SEMA4D: variants seen among roughly 807,000 people sequenced by gnomAD.
SEMA4D encodes semaphorin-4D.
Under a neutral mutation model 74.8 loss-of-function variants are expected in SEMA4D, and 22 were observed. The observed-to-expected ratio is 0.29, with a 90% CI of 0.21 to 0.42. The LOEUF (loss-of-function observed/expected upper bound fraction) is 0.42. SEMA4D is among the 10% of genes least tolerant of loss of function. SEMA4D has a pLI of 1.00. For missense variants in SEMA4D, 937 were observed against 1,118.4 expected, an observed-to-expected ratio of 0.84 and a Z score of 2.31; for synonymous variants, 445 against 463.7, an observed-to-expected ratio of 0.96 and a Z score of 0.52.
At chr9:89,428,749 G>T (rs1046568333) in intron 2 of SEMA4D, among the ~76,000 whole-genome samples, 1 of 152,248 alleles carries the variant, frequency 6.6e-6, no homozygotes, top group Non-Finnish European at 1.5e-5. Flanking sequence ...CCCACCTCCA[G>T]GGGCAGGGTG....
At position 89,381,097 on chromosome 9, in the gene SEMA4D, C is replaced by T; in HGVS notation, c.1621G>A (p.Gly541Ser). 1 of 1,614,126 alleles carries T rather than the reference C, an allele frequency of 6.2e-7. No individual in the cohort carries two copies. The highest frequency in any genetic ancestry group is 8.5e-7 in the Non-Finnish European group (1 of 1,180,048). The part of the protein sequence containing the change: ...ALHQTESPSR[G>S]LIQEMSGDAS... ...TCGCCGCTCATCTCCTGAATCAAAC[C>T]CCTGCAAAACAACCGGCACGTGTTA... Residue 541 changes from glycine to serine, a missense_variant and splice_region_variant, in exon 15 of 16, where the codon GGT becomes AGT. By Grantham distance (56) the Gly-to-Ser change is moderately conservative. Coordinates refer to ENST00000422704, the MANE Select transcript of SEMA4D (RefSeq NM_001371194.2). This position sits in a 1 kb window ranked among gnomAD's most constrained non-coding sequence, Gnocchi z 4.6.
At chr9:89,421,093 C>A (rs1039514848) in intron 2 of SEMA4D, among the ~76,000 whole-genome samples, 3 of 152,238 alleles carry the variant, frequency 2.0e-5, no homozygotes, top group Admixed American at 6.5e-5. Context: ...CCTGCACACA[C>A]GGGGGATCGG....
chr9:89,455,610 C>A (rs1460038072), intron 2 of SEMA4D, among the ~76,000 whole-genome samples: 1 of 152,232 alleles, frequency 6.6e-6, no homozygotes, highest in Non-Finnish European at 1.5e-5. Context: ...ACAAGCCACA[C>A]TCAGCATTGC....
At chr9:89,433,548 G>T (rs1470226434) in intron 2 of SEMA4D, among the ~76,000 whole-genome samples, 1 of 152,212 alleles carries the variant, frequency 6.6e-6, no homozygotes, top group African/African-American at 2.4e-5. Context: ...GAGAGGGACT[G>T]TGCACAGGCA....
chr9:89,370,817 TGTG>T (rs958648200), intron 16 of SEMA4D, among the ~76,000 whole-genome samples: 3 of 119,894 alleles, frequency 2.5e-5, no homozygotes, highest in African/African-American at 9.8e-5. Context: ...TGTGTGTGGG[TGTG>T]GTGTGTGTCT....
chr9:89,491,754 G>A (rs537965519), intron 1 of SEMA4D, among the ~76,000 whole-genome samples: 6 of 152,250 alleles, frequency 3.9e-5, no homozygotes, highest in South Asian at 2.1e-4. Context: ...CAGTGTTGCA[G>A]GCAAAATGCA....
chr9:89,435,507 CCTTTCCCCAACTCACA>C (rs1850197809), intron 2 of SEMA4D, among the ~76,000 whole-genome samples: 1 of 152,204 alleles, frequency 6.6e-6, no homozygotes, highest in Non-Finnish European at 1.5e-5. Context: ...GGCCCCTCCT[CCTTTCCCCAACTCACA>C]GAGATGGCAG....
At chr9:89,392,678 C>A (rs916367682) in intron 7 of SEMA4D, 142 bp from the exon 8 acceptor site, 5 of 628,652 alleles carry the variant, frequency 8.0e-6, no homozygotes, top group Non-Finnish European at 1.4e-5. Context: ...ACAGTCTCCT[C>A]AACTTTTGGG....
downstream of SEMA4D, chr9:89,376,945 C>G (rs971050880): frequency 6.4e-7 from 1 of 1,550,688 alleles, no homozygotes; most frequent in East Asian, 2.4e-5. Context: ...GCCCCGCACC[C>G]GAGGCTGGCC....
chr9:89,399,773 G>A (rs1841765889), intron 4 of SEMA4D, among the ~76,000 whole-genome samples: 1 of 152,088 alleles, frequency 6.6e-6, no homozygotes. Context: ...TGAGGCAGGC[G>A]GATCACCTGA....
At chr9:89,417,201 C>T (rs4595221) in intron 2 of SEMA4D, among the ~76,000 whole-genome samples, 151,780 of 152,368 alleles carry the variant, frequency 1, 75,621 homozygotes, top group Middle Eastern at 1. Context: ...AAAAAGAAAC[C>T]AGCAAAAAAT....
chr9:89,393,588 G>A lies in SEMA4D; in HGVS notation c.482C>T (p.Ala161Val). The A allele has an allele frequency of 6.2e-7, 1 of 1,614,180 alleles. No homozygotes were observed. Among genetic ancestry groups the A allele is most frequent in the Non-Finnish European group, 8.5e-7 (1 of 1,179,984 alleles). The change falls in exon 7 of 16, where the codon GCA becomes GTA. Residue 161 changes from alanine (A) to valine (V), a missense_variant. Coordinates refer to ENST00000422704, the MANE Select transcript of SEMA4D (RefSeq NM_001371194.2). ...AACCATGACGGATGTGTAGCTGTGT[G>A]CTGGGTCAAAGGGACATCTTCCTTT... ...DGKGRCPFDP[A>V]HSYTSVMVDG...
rs57407298 is a variant in SEMA4D at position 89,469,146 on chromosome 9, G to A, written c.-309-13193C>T. ...CCCATAGACATTAAAAAGGAACATG[G>A]CAAACAACTCCGTGCACAAAGAGTC... is the stretch of plus-strand genomic sequence containing the variant. On this transcript the variant is annotated intron_variant, in intron 1 of 15. Transcript: ENST00000422704. 5.7e-4 allele frequency among the ~76,000 whole-genome samples: 85 copies of A among 150,104 alleles called. No individual in the cohort carries two copies. The East Asian group carries it at 0.013, about 23-fold the overall frequency.
intron 2 of SEMA4D, among the ~76,000 whole-genome samples, chr9:89,411,385 G>A (rs770355697): frequency 6.6e-6 from 1 of 152,172 alleles, no homozygotes; most frequent in Non-Finnish European, 1.5e-5. Context: ...GGGGAAGAAA[G>A]AGAGGGAAAG....
chr9:89,484,526 T>C lies in SEMA4D; in HGVS notation c.-310+13393A>G, dbSNP rs1364520778. On this transcript the variant is annotated intron_variant, in intron 1 of 15. Coordinates refer to ENST00000422704, the MANE Select transcript of SEMA4D (RefSeq NM_001371194.2). The surrounding 1 kb of genome is among the most constrained non-coding windows in gnomAD (Gnocchi z 4.1). ...GTTTGTGTAGTGTGTGTGGTGTGTA[T>C]GGACTGGGTGTGTGGGGTGGGGAGG... is the stretch of plus-strand genomic sequence containing the variant. Among the ~76,000 whole-genome samples, 1 of 150,366 alleles carries C rather than the reference T, an allele frequency of 6.7e-6. No individual in the cohort carries two copies. The highest frequency in any genetic ancestry group is 2.5e-5 in the African/African-American group (1 of 40,676).
At chr9:89,450,241 T>G (rs1389024263) in intron 2 of SEMA4D, 3 of 1,194,076 alleles carry the variant, frequency 2.5e-6, no homozygotes, top group Non-Finnish European at 3.7e-6. Flanking sequence ...GCTGTGGATG[T>G]TCTCATCAGC....
intron 9 of SEMA4D, among the ~76,000 whole-genome samples, chr9:89,390,001 A>T: frequency 6.6e-6 from 1 of 151,882 alleles, no homozygotes; most frequent in South Asian, 2.1e-4. Flanking sequence ...AAGTATGGGG[A>T]AAAAAAAGGG....
rs545459595 is a variant in SEMA4D at position 89,408,219 on chromosome 9, A to G, written c.-243-2520T>C. Among the ~76,000 whole-genome samples the G allele has an allele frequency of 2.6e-5, 4 of 152,368 alleles. No individual in the cohort carries two copies. The South Asian group carries it at 8.3e-4, about 32-fold the overall frequency. On this transcript the variant is annotated intron_variant, in intron 2 of 15. Transcript: ENST00000422704. ...AATAATAATGTTTATTGCTCTGACAAATACGAATGGAGCTCCTGCTAAGCC... is the reference window on the plus strand; with the variant it reads ...AATAATAATGTTTATTGCTCTGACAGATACGAATGGAGCTCCTGCTAAGCC...
At chr9:89,380,292 C>A (rs1228716857) in intron 15 of SEMA4D, among the ~76,000 whole-genome samples, 1 of 152,128 alleles carries the variant, frequency 6.6e-6, no homozygotes, top group Non-Finnish European at 1.5e-5. Context: ...CTCAGACTCC[C>A]AAAATGCTGG....
Sources: allele counts gnomAD v4.1 joint callset (sites outside exome capture counted in the v4.1 genomes callset), GRCh38; gene constraint gnomAD v4.1.1; non-coding constraint Gnocchi (gnomAD v3.1); transcripts MANE v1.5; gene names NCBI Gene and HGNC (gene_info 2026-07-23, HGNC 2026-07-21).